The following NR1I2 variants were observed in gnomAD, a reference collection of about 807,000 sequenced individuals.
NR1I2 encodes orphan nuclear receptor PAR1.
Under a neutral mutation model 43.3 loss-of-function variants are expected in NR1I2, and 42 were observed. The observed-to-expected ratio is 0.97, with a 90% confidence interval of 0.76 to 1.26. The LOEUF is 1.26. NR1I2 is among the 50% of genes most tolerant of loss of function. The pLI, the probability that NR1I2 is intolerant of heterozygous loss-of-function variation, is 0.00. For synonymous variants in NR1I2, 229 were observed against 215.0 expected, an observed-to-expected ratio of 1.06 and a Z score of -0.57; for missense variants, 559 against 566.7, an observed-to-expected ratio of 0.99 and a Z score of 0.14.
At chr3:119,798,167 A>T (rs2055025696) in intron 1 of NR1I2, among the ~76,000 whole-genome samples, 1 of 151,652 alleles carries the variant, frequency 6.6e-6, no homozygotes, top group South Asian at 2.1e-4. Context: ...AGGCTATTTC[A>T]CTGAGTCTCG....
chr3:119,814,021 C>G (rs1469625423), intron 5 of NR1I2, among the ~76,000 whole-genome samples: 2 of 152,130 alleles, frequency 1.3e-5, no homozygotes, highest in Non-Finnish European at 2.9e-5. Context: ...TTGGAAGTAC[C>G]AAAGCCAGCT....
intron 1 of NR1I2, among the ~76,000 whole-genome samples, chr3:119,791,352 C>T (rs1177245775): frequency 6.6e-6 from 1 of 152,168 alleles, no homozygotes; most frequent in Admixed American, 6.5e-5. Flanking sequence ...GCTAGATTAA[C>T]ATCTATGAGA....
chr3:119,811,253 T>C (rs2055236853), intron 3 of NR1I2: 1 of 338,656 alleles, frequency 3.0e-6, no homozygotes, highest in South Asian at 6.7e-5. Flanking sequence ...CCCAGCGCCT[T>C]TGGATTCTGA....
chr3:119,787,802 T>C (rs2054864674), intron 1 of NR1I2, among the ~76,000 whole-genome samples: 1 of 152,094 alleles, frequency 6.6e-6, no homozygotes, highest in Non-Finnish European at 1.5e-5. Context: ...CATAATTAAA[T>C]ATATGTAATC....
At chr3:119,799,737 T>G (rs75700881) in intron 1 of NR1I2, among the ~76,000 whole-genome samples, 8,651 of 152,202 alleles carry the variant, frequency 0.057, 814 homozygotes, top group African/African-American at 0.2. Context: ...TCCAGCATTT[T>G]GGGAGGCTGA....
Position 119,817,226 on chromosome 3 carries a change from G to T in NR1I2, c.*14G>T. On this transcript the variant is annotated 3_prime_UTR_variant, in exon 9 of 9. Coordinates refer to ENST00000393716, the MANE Select transcript of NR1I2 (RefSeq NM_003889.4). ...ACAGGTAGCTGAGCGGCTGCCCTTGGGTGACACCTCCGAGAGGCAGCCAGA... is the reference window on the plus strand; with the variant it reads ...ACAGGTAGCTGAGCGGCTGCCCTTGTGTGACACCTCCGAGAGGCAGCCAGA... 1.2e-6 allele frequency: 2 copies of T among 1,613,364 alleles called. No individual in the cohort carries two copies. The highest frequency in any genetic ancestry group is 1.7e-6 in the Non-Finnish European group (2 of 1,179,972).
chr3:119,795,032 G>A (rs534944217), intron 1 of NR1I2, among the ~76,000 whole-genome samples: 43 of 152,330 alleles, frequency 2.8e-4, no homozygotes, highest in Non-Finnish European at 1.8e-4. Flanking sequence ...GCTGACTAAA[G>A]GGCACCTCTA....
intron 1 of NR1I2, among the ~76,000 whole-genome samples, chr3:119,803,347 AAAAG>A (rs1359480882): frequency 3.1e-5 from 3 of 96,590 alleles, no homozygotes; most frequent in Non-Finnish European, 6.5e-5. Flanking sequence ...TTTCTGTCTC[AAAAG>A]AGAGAGAGAG....
chr3:119,811,550 G>A lies in NR1I2; in HGVS notation c.343G>A (p.Asp115Asn), dbSNP rs762110065. 1.2e-5 allele frequency: 20 copies of A among 1,612,850 alleles called. No individual in the cohort carries two copies. The highest frequency in any genetic ancestry group is 2.7e-5 in the African/African-American group (2 of 74,902). Residue 115 changes from aspartate to asparagine, a missense_variant, in exon 4 of 9, where the codon GAC becomes AAC. By Grantham distance (23) the Asp-to-Asn change is conservative. Coordinates refer to ENST00000393716, the MANE Select transcript of NR1I2 (RefSeq NM_003889.4). Reference sequence around the variant, plus strand: ...CACTGTCCCTGCAGTGATCATGTCCGACGAGGCCGTGGAGGAGAGGCGGGC... The same window carrying A: ...CACTGTCCCTGCAGTGATCATGTCCAACGAGGCCGTGGAGGAGAGGCGGGC...
At chr3:119,798,062 T>A (rs994749063) in intron 1 of NR1I2, among the ~76,000 whole-genome samples, 4 of 152,220 alleles carry the variant, frequency 2.6e-5, no homozygotes, top group Non-Finnish European at 5.9e-5. Context: ...GGTAGGTATG[T>A]GTGTTTTTAA....
intron 1 of NR1I2, among the ~76,000 whole-genome samples, chr3:119,806,019 T>C (rs2055154771): frequency 6.6e-6 from 1 of 152,204 alleles, no homozygotes; most frequent in Non-Finnish European, 1.5e-5. Context: ...GGTGAAACTG[T>C]CAGATGTCAC....
intron 1 of NR1I2, among the ~76,000 whole-genome samples, chr3:119,789,559 C>T (rs1358389148): frequency 6.6e-6 from 1 of 152,220 alleles, no homozygotes. Context: ...TCCACCAGGT[C>T]CCTCCCACAT....
At chr3:119,792,674 T>C (rs1030644734) in intron 1 of NR1I2, 1 of 517,966 alleles carries the variant, frequency 1.9e-6, no homozygotes, top group Non-Finnish European at 3.5e-6. Context: ...TGGCTTAAAG[T>C]GAAGGAAATA....
intron 1 of NR1I2, among the ~76,000 whole-genome samples, chr3:119,804,046 CCA>C (rs1409282208): frequency 6.6e-6 from 1 of 151,886 alleles, no homozygotes; most frequent in Non-Finnish European, 1.5e-5. Flanking sequence ...GCGTGAGCCA[CCA>C]CATCCAGTCC....
At chr3:119,787,657 ATGTGTGTGTG>A (rs3030846) in intron 1 of NR1I2, among the ~76,000 whole-genome samples, 44,776 of 128,380 alleles carry the variant, frequency 0.35, 8,401 homozygotes, top group East Asian at 0.53. Flanking sequence ...TGCTATTAAT[ATGTGTGTGTG>A]TGTGTGTGTG....
intron 1 of NR1I2, among the ~76,000 whole-genome samples, chr3:119,799,050 G>A (rs183521781): frequency 9.2e-5 from 14 of 152,246 alleles, no homozygotes; most frequent in African/African-American, 3.1e-4. Flanking sequence ...ATTTCTCTTG[G>A]GTGGATATGT....
rs575078051 is a variant in NR1I2 at position 119,817,310 on chromosome 3, G to A, written c.*98G>A. The A allele has an allele frequency of 9.4e-5, 150 of 1,596,856 alleles. 2 individuals carry two copies. In the African/African-American group the frequency reaches 1.2e-3, roughly 13 times the overall value. On this transcript the variant is annotated 3_prime_UTR_variant, in exon 9 of 9. Coordinates refer to ENST00000393716, the MANE Select transcript of NR1I2 (RefSeq NM_003889.4). The stretch of plus-strand genomic sequence containing the variant: ...AGACAGATGGACACTGCCAAGAGCC[G>A]ACAATGCCCTGCTGGCCTGTCTCCC...
At chr3:119,813,099 C>A in intron 5 of NR1I2, 139 bp downstream of exon 5, 1 of 980,404 alleles carries the variant, frequency 1.0e-6, no homozygotes, top group East Asian at 2.6e-5. Flanking sequence ...TTTCCCCGGG[C>A]AGCCAGTGCT....
rs1313461016 is a variant in NR1I2 at position 119,812,511 on chromosome 3, CTG to C, written c.520-167_520-166del. 1.1e-4 allele frequency among the ~76,000 whole-genome samples: 17 copies of C among 152,304 alleles called. 1 individual carries two copies. The South Asian group carries it at 1.2e-3, about 11-fold the overall frequency. ...GAACACCAGAGAGAAGAAACAAATG[CTG>C]TGTGTGTATATGTGTGAGGACACAC... is the stretch of plus-strand genomic sequence containing the variant. On this transcript the variant is annotated intron_variant, in intron 4 of 8. Transcript: ENST00000393716.
Sources: allele counts gnomAD v4.1 joint callset (sites outside exome capture counted in the v4.1 genomes callset), GRCh38; gene constraint gnomAD v4.1.1; transcripts MANE v1.5; gene names NCBI Gene and HGNC (gene_info 2026-07-23, HGNC 2026-07-21).